Variants in TEC observed in about 807,000 individuals in gnomAD.
The protein encoded by TEC is tyrosine-protein kinase Tec.
In TEC, 72 loss-of-function variants were observed where a neutral mutation model predicts 93.0. The ratio of observed to expected loss-of-function variants is 0.77; its 90% confidence interval spans 0.64 to 0.94. TEC has a LOEUF of 0.94. Ranked by LOEUF, TEC falls within the 40% of genes least tolerant of loss-of-function variation. The pLI is 0.00. For missense variants in TEC, 630 were observed against 757.9 expected, an observed-to-expected ratio of 0.83 and a Z score of 1.98; for synonymous variants, 249 against 247.7, an observed-to-expected ratio of 1.01 and a Z score of -0.05.
chr4:48,241,126 A>G (rs1232859405), intron 1 of TEC, among the ~76,000 whole-genome samples: 2 of 152,166 alleles, frequency 1.3e-5, no homozygotes, highest in African/African-American at 4.8e-5. Context: ...TCTCTGAGGA[A>G]GTAAATTGAT....
At chr4:48,205,334 G>A (rs1722667377) in intron 2 of TEC, among the ~76,000 whole-genome samples, 1 of 152,160 alleles carries the variant, frequency 6.6e-6, no homozygotes, top group African/African-American at 2.4e-5. Context: ...CAGCTCATGA[G>A]AGCCCACTGT....
intron 10 of TEC, among the ~76,000 whole-genome samples, chr4:48,150,183 C>T (rs187444748): frequency 1.3e-5 from 2 of 152,292 alleles, no homozygotes; most frequent in Admixed American, 6.5e-5. Flanking sequence ...CTGACATTGA[C>T]ATGAACTTGC....
chr4:48,137,546 C>T lies in TEC; in HGVS notation c.1813-47G>A, dbSNP rs373673064. The T allele has an allele frequency of 3.6e-5, 54 of 1,517,670 alleles. No individual in the cohort carries two copies. In the African/African-American group the frequency reaches 5.2e-4, roughly 15 times the overall value. 94.0% of individuals were successfully genotyped at this position (1,517,670 alleles called of 1,614,324 possible). ...AAGCTGTGGGTTCCAGAATCCATTC[C>T]ACAAAACCTCTCACTGCTCCAACTC... is the stretch of plus-strand genomic sequence containing the variant. On this transcript the variant is annotated intron_variant, in intron 17 of 17. Transcript: ENST00000381501.
chr4:48,225,874 G>A (rs781590229), intron 2 of TEC, among the ~76,000 whole-genome samples: 7 of 152,128 alleles, frequency 4.6e-5, no homozygotes, highest in African/African-American at 1.2e-4. Context: ...AGAGGAGTGG[G>A]GGTGAAGGCA....
intron 10 of TEC, among the ~76,000 whole-genome samples, chr4:48,149,991 G>A (rs1458853134): frequency 6.6e-6 from 1 of 152,150 alleles, no homozygotes; most frequent in East Asian, 1.9e-4. Context: ...ACTGCTTTTT[G>A]TTCCTGCTGT....
intron 1 of TEC, among the ~76,000 whole-genome samples, chr4:48,237,695 T>C (rs1470719637): frequency 2.0e-5 from 3 of 152,220 alleles, no homozygotes; most frequent in African/African-American, 7.2e-5. Flanking sequence ...ATTAGCAATA[T>C]TATATAATTC....
intron 2 of TEC, among the ~76,000 whole-genome samples, chr4:48,212,958 G>T (rs1722961166): frequency 6.6e-6 from 1 of 152,184 alleles, no homozygotes; most frequent in South Asian, 2.1e-4. Context: ...AAGTGATGAA[G>T]AAAGTAAAAC....
chr4:48,150,469 G>A (rs1292003633), intron 10 of TEC, among the ~76,000 whole-genome samples: 4 of 151,828 alleles, frequency 2.6e-5, no homozygotes, highest in South Asian at 2.1e-4. Context: ...CCCCAAACCC[G>A]CCACACACAC....
Position 48,162,798 on chromosome 4 carries a change from C to A in TEC, c.737+904G>T, listed in dbSNP as rs538410097. Among the ~76,000 whole-genome samples, 25 of 152,224 alleles carry A rather than the reference C, an allele frequency of 1.6e-4. No individual in the cohort carries two copies. The South Asian group carries it at 4.1e-3, about 25-fold the overall frequency. On this transcript the variant is annotated intron_variant, in intron 8 of 17. Coordinates refer to ENST00000381501, the MANE Select transcript of TEC (RefSeq NM_003215.3). Reference sequence around the variant, plus strand: ...GTTTTCAAGGAAGTGAATGAAGCATCAATACACCACCTCAGAATGACCATA... The same window carrying A: ...GTTTTCAAGGAAGTGAATGAAGCATAAATACACCACCTCAGAATGACCATA...
At chr4:48,234,565 T>G (rs1456083463) in intron 1 of TEC, among the ~76,000 whole-genome samples, 5 of 152,114 alleles carry the variant, frequency 3.3e-5, no homozygotes, top group Non-Finnish European at 7.4e-5. Context: ...TTAGTAAAAT[T>G]TAGCCAATTT....
At chr4:48,141,309 CA>C in intron 15 of TEC, 45 bp downstream of exon 15, 8 of 1,550,730 alleles carry the variant, frequency 5.2e-6, no homozygotes, top group South Asian at 1.1e-5. Flanking sequence ...TTAATTCCAC[CA>C]AAAAAATGCA....
chr4:48,243,338 T>C (rs1434133953), intron 1 of TEC, among the ~76,000 whole-genome samples: 1 of 152,254 alleles, frequency 6.6e-6, no homozygotes, highest in Admixed American at 6.5e-5. Flanking sequence ...ATTTGCTGCA[T>C]AACTTTACAC....
intron 7 of TEC, 129 bp from the exon 8 acceptor site, chr4:48,163,896 C>A: frequency 2.0e-6 from 1 of 506,976 alleles, no homozygotes; most frequent in Non-Finnish European, 3.4e-6. Flanking sequence ...ACTAGCTGAC[C>A]CCCCAAAATG....
intron 7 of TEC, among the ~76,000 whole-genome samples, chr4:48,164,997 C>T (rs962251124): frequency 4.6e-5 from 7 of 151,680 alleles, no homozygotes; most frequent in African/African-American, 1.2e-4. Flanking sequence ...CGAGACAGAA[C>T]GAGACTCCAT....
intron 2 of TEC, among the ~76,000 whole-genome samples, chr4:48,219,165 CGGGTATA>C (rs1723173684): frequency 1.3e-5 from 2 of 152,028 alleles, no homozygotes; most frequent in Non-Finnish European, 1.5e-5. Context: ...GAATAACCAG[CGGGTATA>C]GGGTCAGGTG....
chr4:48,240,494 C>G (rs900082929), intron 1 of TEC, among the ~76,000 whole-genome samples: 2 of 152,052 alleles, frequency 1.3e-5, no homozygotes, highest in African/African-American at 4.8e-5. Context: ...GCCAGCAGAG[C>G]CTTGTGCTAA....
chr4:48,250,945 T>C (rs1724182902), intron 1 of TEC, among the ~76,000 whole-genome samples: 1 of 152,218 alleles, frequency 6.6e-6, no homozygotes, highest in South Asian at 2.1e-4. Context: ...ACTGTGGCAA[T>C]AACTAATAGA....
At chr4:48,252,358 A>G (rs1413047247) in intron 1 of TEC, among the ~76,000 whole-genome samples, 1 of 152,234 alleles carries the variant, frequency 6.6e-6, no homozygotes, top group Non-Finnish European at 1.5e-5. Context: ...CAAAGGCCAT[A>G]GTATCTCACT....
intron 1 of TEC, among the ~76,000 whole-genome samples, chr4:48,263,832 T>TA (rs1456102934): frequency 8.5e-5 from 13 of 152,172 alleles, no homozygotes; most frequent in African/African-American, 2.9e-4. Flanking sequence ...AGTGTACACT[T>TA]AGAGTTGTAT....
Sources: allele counts gnomAD v4.1 joint callset (sites outside exome capture counted in the v4.1 genomes callset), GRCh38; gene constraint gnomAD v4.1.1; transcripts MANE v1.5; gene names NCBI Gene and HGNC (gene_info 2026-07-23, HGNC 2026-07-21).